Variants in YIPF7 observed in about 807,000 individuals in gnomAD.
YIPF7 encodes the protein Yip1 domain family member 7, also known as protein YIPF7.
Under a neutral mutation model 27.2 loss-of-function variants are expected in YIPF7, and 35 were observed. The ratio of observed to expected loss-of-function variants is 1.29; its 90% CI spans 0.98 to 1.70. YIPF7 has a LOEUF of 1.70. Among genes scored for constraint, YIPF7 ranks in the 40% most tolerant of loss-of-function variants. The pLI is 0.00. For missense variants in YIPF7, 358 were observed against 303.7 expected (o/e 1.18, Z -1.33); for synonymous variants, 137 against 110.4 (o/e 1.24, Z -1.51).
At chr4:44,648,252 A>G (rs1713596313) in intron 2 of YIPF7, among the ~76,000 whole-genome samples, 1 of 152,066 alleles carries the variant, frequency 6.6e-6, no homozygotes, top group Non-Finnish European at 1.5e-5. Flanking sequence ...ATTTTTATGG[A>G]TTTTTGAATA....
At chr4:44,638,636 AT>A in intron 2 of YIPF7, among the ~76,000 whole-genome samples, 1 of 152,196 alleles carries the variant, frequency 6.6e-6, no homozygotes, top group Non-Finnish European at 1.5e-5. Flanking sequence ...ATTTTCTCCC[AT>A]TCTACTGGCT....
chr4:44,662,146 C>T lies in YIPF7; in HGVS notation c.-171-1528G>A, dbSNP rs560336281. On this transcript the variant is annotated intron_variant, in intron 1 of 2. Transcript: ENST00000508947. ...ACATTACAAGACCCCTAGTGGGTGC[C>T]TAAGAAACCACAGATAGTATGGAAC... Among the ~76,000 whole-genome samples, 9 of 152,278 alleles carry T rather than the reference C, an allele frequency of 5.9e-5. No individual in the cohort carries two copies. The East Asian group carries it at 1.4e-3, about 23-fold the overall frequency.
At chr4:44,628,080 T>A (rs1260725637) in intron 4 of YIPF7, among the ~76,000 whole-genome samples, 1 of 152,220 alleles carries the variant, frequency 6.6e-6, no homozygotes, top group Admixed American at 6.5e-5. Context: ...TGTTTCTGAC[T>A]ATTTGATTAA....
chr4:44,629,652 A>G, intron 3 of YIPF7, 104 bp from the exon 4 acceptor site: 1 of 851,820 alleles, frequency 1.2e-6, no homozygotes, highest in African/African-American at 1.7e-5. Flanking sequence ...TTTACTTAGC[A>G]TTTTAATCTG....
intron 2 of YIPF7, among the ~76,000 whole-genome samples, chr4:44,643,502 G>A (rs533199496): frequency 7.2e-5 from 11 of 152,300 alleles, no homozygotes; most frequent in African/African-American, 2.6e-4. Context: ...ATTTTCAAGG[G>A]AGGAATTCAA....
chr4:44,634,809 C>T (rs1713048385), intron 3 of YIPF7, among the ~76,000 whole-genome samples: 1 of 151,914 alleles, frequency 6.6e-6, no homozygotes, highest in African/African-American at 2.4e-5. Context: ...ATTCTGAAGA[C>T]AATTAGGGAG....
At chr4:44,643,361 C>CT (rs1176196630) in intron 2 of YIPF7, among the ~76,000 whole-genome samples, 1 of 152,146 alleles carries the variant, frequency 6.6e-6, no homozygotes, top group African/African-American at 2.4e-5. Flanking sequence ...GACCTGGCTG[C>CT]TTCTAACAAT....
At chr4:44,659,361 TA>T (rs1309736538) in intron 2 of YIPF7, among the ~76,000 whole-genome samples, 1 of 151,992 alleles carries the variant, frequency 6.6e-6, no homozygotes, top group Non-Finnish European at 1.5e-5. Flanking sequence ...GGAAGCACTG[TA>T]AAAAATCTAG....
chr4:44,640,969 C>A (rs1354648966), intron 2 of YIPF7, among the ~76,000 whole-genome samples: 1 of 151,944 alleles, frequency 6.6e-6, no homozygotes, highest in Admixed American at 6.6e-5. Flanking sequence ...GCATGGAACC[C>A]AAGGCATGCT....
chr4:44,635,173 G>T, intron 3 of YIPF7, among the ~76,000 whole-genome samples: 1 of 152,104 alleles, frequency 6.6e-6, no homozygotes, highest in Non-Finnish European at 1.5e-5. Context: ...GACTATTTCT[G>T]CTTGGTTCTC....
intron 2 of YIPF7, among the ~76,000 whole-genome samples, chr4:44,637,453 T>C (rs7438928): frequency 6.6e-6 from 1 of 152,016 alleles, no homozygotes; most frequent in East Asian, 1.9e-4. Context: ...TGGGGGAAGA[T>C]GATATCTCAC....
chr4:44,624,824 A>T (rs756724997), intron 4 of YIPF7, 42 bp from the exon 5 acceptor site: 13 of 1,544,166 alleles, frequency 8.4e-6, no homozygotes, highest in Non-Finnish European at 1.1e-5. Context: ...CACACAATGG[A>T]CACCGAGAGG....
At chr4:44,659,842 G>A (rs892539092) in intron 2 of YIPF7, among the ~76,000 whole-genome samples, 5 of 151,910 alleles carry the variant, frequency 3.3e-5, no homozygotes, top group Non-Finnish European at 5.9e-5. Flanking sequence ...GGCCAGGCGC[G>A]GTGGCTCACG....
At chr4:44,657,643 TGCAGTCTTTCCGTCGTGCACCAGGACAGC>T (rs1713935820) in intron 2 of YIPF7, among the ~76,000 whole-genome samples, 1 of 152,092 alleles carries the variant, frequency 6.6e-6, no homozygotes, top group African/African-American at 2.4e-5. Context: ...TTTAGACCAT[TGCAGTCTTTCCGTCGTGCACCAGGACAGC>T]TCATTCATAT....
intron 1 of YIPF7, among the ~76,000 whole-genome samples, chr4:44,660,967 A>T (rs1308784568): frequency 6.6e-6 from 1 of 152,248 alleles, no homozygotes; most frequent in Admixed American, 6.5e-5. Context: ...CAAAATACAG[A>T]AAATGCCAAC....
chr4:44,629,275 T>C (rs568856627), intron 4 of YIPF7, 128 bp downstream of exon 4: 1 of 1,184,048 alleles, frequency 8.4e-7, no homozygotes, highest in South Asian at 3.6e-5. Context: ...ATGGTTAAAT[T>C]ATTCTCTCTC....
chr4:44,645,110 AATT>A (rs1713479933), intron 2 of YIPF7, among the ~76,000 whole-genome samples: 1 of 152,126 alleles, frequency 6.6e-6, no homozygotes, highest in South Asian at 2.1e-4. Flanking sequence ...TTGCTTTATA[AATT>A]ACCCAGTCTC....
In YIPF7 at chr4:44,646,119, T is replaced by C. The variant is rs565405913; in HGVS notation, c.116+3866A>G. 2.6e-5 allele frequency among the ~76,000 whole-genome samples: 4 copies of C among 152,340 alleles called. No homozygotes were observed. The East Asian group carries it at 7.7e-4, about 29-fold the overall frequency. On this transcript the variant is annotated intron_variant, in intron 2 of 5. Transcript: ENST00000415895. ...TTAACAAGAACAGCTCAGAACTTTT[T>C]GGTGTTTATTAATTCCAGAGGCAAC...
At chr4:44,646,497 T>G (rs917585949) in intron 2 of YIPF7, among the ~76,000 whole-genome samples, 1 of 152,214 alleles carries the variant, frequency 6.6e-6, no homozygotes, top group East Asian at 1.9e-4. Flanking sequence ...CACACCTTTC[T>G]GCAACAGTAT....
Sources: gnomAD v4.1 joint callset for allele counts (sites outside exome capture counted in the v4.1 genomes callset) on GRCh38, gnomAD v4.1.1 for gene constraint, MANE v1.5 for transcripts, NCBI Gene and HGNC (gene_info 2026-07-23, HGNC 2026-07-21) for gene names.